The following NUP37 variants were observed in gnomAD, a reference collection of about 807,000 sequenced individuals.
The protein encoded by NUP37 is nucleoporin 37, also known as nucleoporin Nup37.
Under a neutral mutation model 45.4 loss-of-function variants are expected in NUP37, and 33 were observed. The observed-to-expected ratio is 0.73, with a 90% CI of 0.55 to 0.97. The LOEUF is 0.97. Among genes scored for constraint, NUP37 ranks in the 50% least tolerant of loss-of-function variants. The pLI is 0.00. For missense variants in NUP37, 365 were observed against 389.7 expected (o/e 0.94, Z 0.53); for synonymous variants, 127 against 130.7 (o/e 0.97, Z 0.19).
chr12:102,118,722 C>T (rs1191850928), intron 1 of NUP37, 139 bp from the exon 2 acceptor site: 2 of 502,650 alleles, frequency 4.0e-6, no homozygotes, highest in Non-Finnish European at 6.9e-6. Flanking sequence ...GGGACAGAAA[C>T]TGCAGGAAAA....
At chr12:102,106,842 T>A (rs1222838232) in intron 3 of NUP37, among the ~76,000 whole-genome samples, 1 of 152,166 alleles carries the variant, frequency 6.6e-6, no homozygotes, top group Non-Finnish European at 1.5e-5. Flanking sequence ...CTCCTGATCT[T>A]AAAGCCTGAA....
intron 3 of NUP37, among the ~76,000 whole-genome samples, chr12:102,105,067 C>T (rs1880092768): frequency 6.6e-6 from 1 of 152,192 alleles, no homozygotes; most frequent in Non-Finnish European, 1.5e-5. Context: ...AATCCATGAA[C>T]ACAGGCTGTC....
Position 102,112,122 on chromosome 12 carries a change from C to T in NUP37, c.267G>A (p.Leu89=), listed in dbSNP as rs1880334975. ...AWSPETRLDS[L]PPVIKFCTSA... ...GTTAAACTTACTTGATTACTGGAGG[C>T]AATGAATCAAGTCTAGTCTCTGGGC... is the stretch of plus-strand genomic sequence containing the variant. Residue 89 remains leucine, a synonymous_variant, in exon 3 of 10, where the codon TTG becomes TTA. Coordinates refer to ENST00000552283, the MANE Select transcript of NUP37 (RefSeq NM_024057.4). 6.2e-7 allele frequency: 1 copy of T among 1,613,644 alleles called. No individual in the cohort carries two copies. Among genetic ancestry groups the T allele is most frequent in the Non-Finnish European group, 8.5e-7 (1 of 1,179,734 alleles).
chr12:102,109,211 C>T (rs564124338), intron 3 of NUP37, among the ~76,000 whole-genome samples: 25 of 151,978 alleles, frequency 1.6e-4, no homozygotes, highest in African/African-American at 5.3e-4. Context: ...CTAGCCACTA[C>T]GCAAGAAAAG....
intron 5 of NUP37, 104 bp from the exon 6 acceptor site, chr12:102,085,960 G>A (rs1271755712): frequency 1.9e-6 from 1 of 521,212 alleles, no homozygotes; most frequent in African/African-American, 1.9e-5. Flanking sequence ...CAGATTATAA[G>A]ACAGACATTT....
At chr12:102,105,912 A>AC (rs1248108466) in intron 3 of NUP37, among the ~76,000 whole-genome samples, 3 of 151,850 alleles carry the variant, frequency 2.0e-5, no homozygotes, top group Non-Finnish European at 4.4e-5. Context: ...CTATGTGTTA[A>AC]CCCCTGGTAA....
intron 5 of NUP37, among the ~76,000 whole-genome samples, chr12:102,091,399 C>CAAAAA (rs1163474160): frequency 7.4e-4 from 28 of 37,794 alleles, no homozygotes; most frequent in African/African-American, 2.5e-3. Context: ...GACTCCGTCT[C>CAAAAA]AAAAAAAAAA....
chr12:102,099,016 G>A, intron 5 of NUP37, 90 bp downstream of exon 5: 2 of 877,824 alleles, frequency 2.3e-6, no homozygotes, highest in African/African-American at 1.7e-5. Context: ...TAGAATTTAT[G>A]TAAAAGTCAC....
chr12:102,077,246 G>A (rs768008501), intron 7 of NUP37, 76 bp downstream of exon 7: 22 of 1,442,136 alleles, frequency 1.5e-5, no homozygotes, highest in Non-Finnish European at 2.0e-5. Context: ...GGTATAACAG[G>A]ATGGATGAGT....
chr12:102,096,106 T>C (rs905890263), intron 5 of NUP37, among the ~76,000 whole-genome samples: 1 of 152,172 alleles, frequency 6.6e-6, no homozygotes, highest in African/African-American at 2.4e-5. Context: ...TATCATAAAA[T>C]TAAGGGACGA....
intron 5 of NUP37, among the ~76,000 whole-genome samples, chr12:102,091,114 C>T (rs187634809): frequency 1.3e-4 from 20 of 152,166 alleles, no homozygotes; most frequent in Admixed American, 5.2e-4. Flanking sequence ...AGCTCACAGC[C>T]GGCCAGGCAC....
chr12:102,111,090 G>C (rs1334003903), intron 3 of NUP37, among the ~76,000 whole-genome samples: 1 of 152,150 alleles, frequency 6.6e-6, no homozygotes, highest in East Asian at 1.9e-4. Flanking sequence ...TGAATAAACA[G>C]ACTATGGTCT....
At chr12:102,118,069 G>GT (rs1255292783) in intron 2 of NUP37, among the ~76,000 whole-genome samples, 1 of 152,034 alleles carries the variant, frequency 6.6e-6, no homozygotes, top group African/African-American at 2.4e-5. Context: ...CATTTATATT[G>GT]TTTTTTTCCT....
At chr12:102,109,314 G>GT in intron 3 of NUP37, among the ~76,000 whole-genome samples, 1 of 152,126 alleles carries the variant, frequency 6.6e-6, no homozygotes, top group Non-Finnish European at 1.5e-5. Flanking sequence ...ATTTCTAAAT[G>GT]TAAGATAAAA....
intron 5 of NUP37, 133 bp from the exon 6 acceptor site, chr12:102,085,989 T>C (rs1440894144): frequency 4.7e-6 from 2 of 423,402 alleles, no homozygotes; most frequent in Non-Finnish European, 8.6e-6. Flanking sequence ...TGTATATCTT[T>C]TTAAAGAAAA....
chr12:102,092,320 A>G (rs1426700746), intron 5 of NUP37, among the ~76,000 whole-genome samples: 2 of 152,232 alleles, frequency 1.3e-5, no homozygotes, highest in Non-Finnish European at 2.9e-5. Context: ...TCTAAAAGAC[A>G]TGACTAGATC....
At chr12:102,115,727 A>G (rs533121903) in intron 2 of NUP37, 5 of 572,460 alleles carry the variant, frequency 8.7e-6, no homozygotes, top group East Asian at 1.4e-4. Flanking sequence ...CACTATATCT[A>G]CAACGTTTTC....
chr12:102,078,777 T>C (rs1464522442), intron 6 of NUP37, among the ~76,000 whole-genome samples: 2 of 152,242 alleles, frequency 1.3e-5, no homozygotes, highest in African/African-American at 4.8e-5. Context: ...TACTTCACTA[T>C]TTCCTTTACT....
chr12:102,074,600 T>C, intron 9 of NUP37, 133 bp from the exon 10 acceptor site: 1 of 605,606 alleles, frequency 1.7e-6, no homozygotes, highest in East Asian at 2.8e-5. Flanking sequence ...ATATGCTCCC[T>C]TACAGGTGAA....
Sources: allele counts gnomAD v4.1 joint callset (sites outside exome capture counted in the v4.1 genomes callset), GRCh38; gene constraint gnomAD v4.1.1; transcripts MANE v1.5; gene names NCBI Gene and HGNC (gene_info 2026-07-23, HGNC 2026-07-21).